PHACTR1: variants seen among roughly 807,000 people sequenced by gnomAD.
PHACTR1 encodes RPEL repeat containing 1.
In PHACTR1, 16 loss-of-function variants were observed where a neutral mutation model predicts 69.2. That is an observed-to-expected ratio of 0.23 (90% CI 0.16 to 0.35). PHACTR1 has a LOEUF of 0.35. Ranked by LOEUF, PHACTR1 falls within the 10% of genes least tolerant of loss-of-function variation. PHACTR1 has a pLI of 1.00. For synonymous variants in PHACTR1, 312 were observed against 284.5 expected, an observed-to-expected ratio of 1.10 and a Z score of -0.97; for missense variants, 510 against 734.7, an observed-to-expected ratio of 0.69 and a Z score of 3.54.
intron 4 of PHACTR1, among the ~76,000 whole-genome samples, chr6:12,993,204 G>A (rs1392441891): frequency 6.6e-6 from 1 of 152,196 alleles, no homozygotes; most frequent in Non-Finnish European, 1.5e-5. Context: ...AAACCTTACT[G>A]AGGACTCTCT....
At chr6:12,735,895 G>A (rs534722523) in intron 3 of PHACTR1, among the ~76,000 whole-genome samples, 1 of 152,176 alleles carries the variant, frequency 6.6e-6, no homozygotes, top group Non-Finnish European at 1.5e-5. Context: ...ACACAGTAGA[G>A]CTGGAACCCT....
intron 3 of PHACTR1, among the ~76,000 whole-genome samples, chr6:12,734,044 G>A (rs1300018480): frequency 3.3e-5 from 5 of 152,140 alleles, no homozygotes; most frequent in Non-Finnish European, 7.3e-5. Flanking sequence ...CATCTAGCGT[G>A]ATTCAGCAGC....
intron 3 of PHACTR1, among the ~76,000 whole-genome samples, chr6:12,744,434 C>T (rs939295679): frequency 6.6e-6 from 1 of 152,200 alleles, no homozygotes; most frequent in Non-Finnish European, 1.5e-5. Context: ...CAGGAGTACA[C>T]TTTACTCAAT....
At chr6:12,879,699 C>T (rs947465998) in intron 4 of PHACTR1, among the ~76,000 whole-genome samples, 1 of 152,138 alleles carries the variant, frequency 6.6e-6, no homozygotes, top group African/African-American at 2.4e-5. Flanking sequence ...TTAACAAGAA[C>T]TCTCTGAAAC....
At chr6:13,196,791 C>T (rs976036929) in intron 7 of PHACTR1, among the ~76,000 whole-genome samples, 84 of 152,190 alleles carry the variant, frequency 5.5e-4, no homozygotes, top group African/African-American at 1.8e-3. Flanking sequence ...AGAAACCTCT[C>T]CTGGAGCATT....
At chr6:12,884,293 GTC>G (rs886387749) in intron 4 of PHACTR1, among the ~76,000 whole-genome samples, 2 of 151,968 alleles carry the variant, frequency 1.3e-5, no homozygotes, top group African/African-American at 4.8e-5. Flanking sequence ...CATTTTTCAT[GTC>G]TCTCTGTACA....
chr6:13,205,810 C>G lies in PHACTR1; in HGVS notation c.665-5C>G. 1 of 1,574,526 alleles carries G rather than the reference C, an allele frequency of 6.4e-7. No homozygotes were observed. Among genetic ancestry groups the G allele is most frequent in the Non-Finnish European group, 8.7e-7 (1 of 1,154,062 alleles). The stretch of plus-strand genomic sequence containing the variant: ...CATCTGCCTCTCGCCCTCTTTCTGC[C>G]ACAGATCCTGGCGCCCCTGTGAAAT... On this transcript the variant is annotated splice_polypyrimidine_tract_variant and splice_region_variant and intron_variant, in intron 7 of 14. Coordinates refer to ENST00000332995, the MANE Select transcript of PHACTR1 (RefSeq NM_030948.6).
At chr6:13,254,501 T>C (rs1157304941) in intron 10 of PHACTR1, among the ~76,000 whole-genome samples, 1 of 152,242 alleles carries the variant, frequency 6.6e-6, no homozygotes, top group Non-Finnish European at 1.5e-5. Context: ...TGTGGTTATA[T>C]GACTATCAAA....
At chr6:12,922,222 C>T (rs1050260896) in intron 4 of PHACTR1, among the ~76,000 whole-genome samples, 10 of 152,136 alleles carry the variant, frequency 6.6e-5, no homozygotes, top group Non-Finnish European at 5.9e-5. Context: ...CTTGCAAGAT[C>T]TTGCTTCCTC....
chr6:13,097,554 A>G, intron 5 of PHACTR1, among the ~76,000 whole-genome samples: 1 of 152,204 alleles, frequency 6.6e-6, no homozygotes, highest in Non-Finnish European at 1.5e-5. Flanking sequence ...ACTTCATGCA[A>G]GGAAACTAAT....
intron 4 of PHACTR1, among the ~76,000 whole-genome samples, chr6:12,892,092 T>C (rs1582325150): frequency 2.0e-5 from 3 of 150,554 alleles, no homozygotes; most frequent in East Asian, 3.8e-4. Context: ...TTAGTGATAT[T>C]GTGCTCCTCA....
In PHACTR1 at chr6:12,760,912, A is replaced by G. The variant is rs57626288; in HGVS notation, c.250+11122A>G. On this transcript the variant is annotated intron_variant, in intron 4 of 14. Transcript: ENST00000332995. ...CGTGCTATTGCACTCCAGCATGGGC[A>G]AAAAGAGTGAAACTCCATCTCAAAA... is the stretch of plus-strand genomic sequence containing the variant. 1.9e-3 allele frequency among the ~76,000 whole-genome samples: 289 copies of G among 152,330 alleles called. 3 individuals are homozygous for G. The highest frequency in any genetic ancestry group is 6.6e-3 in the African/African-American group (276 of 41,582).
chr6:12,776,368 G>T (rs1356606226), intron 4 of PHACTR1, among the ~76,000 whole-genome samples: 2 of 152,174 alleles, frequency 1.3e-5, no homozygotes, highest in Non-Finnish European at 2.9e-5. Context: ...TGCTGAAAAA[G>T]CTTACTCTGG....
At chr6:12,921,062 T>C (rs1345606987) in intron 4 of PHACTR1, among the ~76,000 whole-genome samples, 2 of 152,198 alleles carry the variant, frequency 1.3e-5, no homozygotes, top group Non-Finnish European at 2.9e-5. Flanking sequence ...GTGAGACAAA[T>C]GAGACACTTA....
At chr6:13,202,134 C>T (rs1178551977) in intron 7 of PHACTR1, among the ~76,000 whole-genome samples, 7 of 152,246 alleles carry the variant, frequency 4.6e-5, no homozygotes, top group Non-Finnish European at 1.0e-4. Flanking sequence ...CTTGGTCCAG[C>T]TGGCCTTTTC....
At chr6:12,924,257 C>T (rs952300938) in intron 4 of PHACTR1, among the ~76,000 whole-genome samples, 5 of 152,010 alleles carry the variant, frequency 3.3e-5, no homozygotes, top group Admixed American at 1.3e-4. Flanking sequence ...CACAGATAAA[C>T]GTGTGTGTCC....
chr6:12,967,050 A>G (rs1173085639), intron 4 of PHACTR1, among the ~76,000 whole-genome samples: 1 of 152,200 alleles, frequency 6.6e-6, no homozygotes, highest in East Asian at 1.9e-4. Context: ...GCTGAGAATT[A>G]TTTGCCCATG....
intron 4 of PHACTR1, among the ~76,000 whole-genome samples, chr6:12,952,217 T>C (rs572840697): frequency 2.0e-5 from 3 of 152,310 alleles, no homozygotes; most frequent in South Asian, 2.1e-4. Context: ...TTGGTTACAA[T>C]TGATGAACCT....
intron 4 of PHACTR1, among the ~76,000 whole-genome samples, chr6:12,991,060 T>C (rs1796767750): frequency 6.6e-6 from 1 of 152,170 alleles, no homozygotes; most frequent in Admixed American, 6.5e-5. Flanking sequence ...ATAACTTTTC[T>C]CATTTAGGGC....
Sources: allele counts gnomAD v4.1 joint callset (sites outside exome capture counted in the v4.1 genomes callset), GRCh38; gene constraint gnomAD v4.1.1; transcripts MANE v1.5; gene names NCBI Gene and HGNC (gene_info 2026-07-23, HGNC 2026-07-21).